Variants in TTLL5 observed in about 807,000 individuals in gnomAD.
The protein encoded by TTLL5 is tubulin polyglutamylase TTLL5.
In TTLL5, 132 loss-of-function variants were observed where a neutral mutation model predicts 168.4. That is an observed-to-expected ratio of 0.78 (90% CI 0.68 to 0.91). TTLL5 has a LOEUF of 0.91. Among genes scored for constraint, TTLL5 ranks in the 40% least tolerant of loss-of-function variants. TTLL5 has a pLI of 0.00. For synonymous variants in TTLL5, 546 were observed against 558.6 expected (o/e 0.98, Z 0.32); for missense variants, 1,545 against 1,581.5 (o/e 0.98, Z 0.39).
At chr14:75,800,064 C>T (rs1893201757) in intron 27 of TTLL5, among the ~76,000 whole-genome samples, 1 of 152,186 alleles carries the variant, frequency 6.6e-6, no homozygotes, top group African/African-American at 2.4e-5. Context: ...ATAAGTTTTC[C>T]AAACTTTTAG....
rs1405463010 is a variant in TTLL5 at position 75,735,370 on chromosome 14, T to C, written c.1281+81T>C. The C allele has an allele frequency of 3.6e-6, 5 of 1,372,712 alleles. No individual in the cohort carries two copies. In the African/African-American group the frequency reaches 7.1e-5, roughly 20 times the overall value. 85.0% of individuals were successfully genotyped at this position (1,372,712 alleles called of 1,614,324 possible). On this transcript the variant is annotated intron_variant, in intron 15 of 31. Transcript: ENST00000298832. ...GATGTAACTGTGGGAGCAGAAGCAC[T>C]GTGGGTATGAGGTCACTTAGAGCAG...
chr14:75,766,674 A>G (rs1269887568), intron 20 of TTLL5, among the ~76,000 whole-genome samples: 1 of 152,186 alleles, frequency 6.6e-6, no homozygotes, highest in East Asian at 1.9e-4. Context: ...TATCAGAGAC[A>G]GAGAGCTCAG....
intron 27 of TTLL5, among the ~76,000 whole-genome samples, chr14:75,806,608 C>G (rs1439767953): frequency 1.3e-5 from 2 of 152,178 alleles, no homozygotes; most frequent in Admixed American, 1.3e-4. Context: ...GGGCATCTGT[C>G]CAGGCTCAGT....
At chr14:75,737,267 G>A (rs1467716735) in intron 15 of TTLL5, among the ~76,000 whole-genome samples, 1 of 152,226 alleles carries the variant, frequency 6.6e-6, no homozygotes, top group Non-Finnish European at 1.5e-5. Flanking sequence ...GATTGGTCAT[G>A]TGTACTGTGT....
intron 18 of TTLL5, among the ~76,000 whole-genome samples, chr14:75,763,361 A>G (rs1239785855): frequency 6.6e-6 from 1 of 151,814 alleles, no homozygotes; most frequent in Non-Finnish European, 1.5e-5. Context: ...TTCTGCTCCC[A>G]GTGCCAGGAC....
intron 31 of TTLL5, among the ~76,000 whole-genome samples, chr14:75,902,969 A>G (rs1181489747): frequency 1.3e-5 from 2 of 152,192 alleles, no homozygotes; most frequent in Non-Finnish European, 2.9e-5. Flanking sequence ...AATGTGCTGC[A>G]AAGTGGGTAT....
intron 31 of TTLL5, among the ~76,000 whole-genome samples, chr14:75,940,881 A>G (rs2034580470): frequency 6.6e-6 from 1 of 152,212 alleles, no homozygotes; most frequent in African/African-American, 2.4e-5. Flanking sequence ...GAAATGAGTT[A>G]TGTGCATTTT....
chr14:75,951,263 G>A (rs544482784), intron 31 of TTLL5, among the ~76,000 whole-genome samples: 7 of 150,826 alleles, frequency 4.6e-5, no homozygotes, highest in African/African-American at 1.7e-4. Context: ...CAGGAGGATC[G>A]TTTGAGCCCA....
chr14:75,661,867 T>A (rs1890751183), intron 1 of TTLL5, among the ~76,000 whole-genome samples: 2 of 151,856 alleles, frequency 1.3e-5, no homozygotes, highest in African/African-American at 2.4e-5. Flanking sequence ...TATCGGGGTC[T>A]GTTTTTTTTT....
chr14:75,882,560 TA>T (rs1035375214), intron 29 of TTLL5, 124 bp from the exon 30 acceptor site: 2,198 of 773,074 alleles, frequency 2.8e-3, no homozygotes, highest in Non-Finnish European at 3.4e-3. Context: ...AGTTTTTCCT[TA>T]AAAAAAAAAT....
At chr14:75,662,834 T>C (rs1374322087) in intron 1 of TTLL5, among the ~76,000 whole-genome samples, 1 of 152,166 alleles carries the variant, frequency 6.6e-6, no homozygotes, top group Non-Finnish European at 1.5e-5. Context: ...TTCAAATATA[T>C]AGAGCACAGA....
chr14:75,812,291 C>T (rs2140394465), intron 27 of TTLL5, among the ~76,000 whole-genome samples: 1 of 152,216 alleles, frequency 6.6e-6, no homozygotes, highest in Non-Finnish European at 1.5e-5. Flanking sequence ...GGCCCCAAAG[C>T]TTAGGTGGAG....
At chr14:75,775,813 CTATT>C (rs1891692549) in intron 22 of TTLL5, among the ~76,000 whole-genome samples, 183 bp downstream of exon 22, 1 of 152,164 alleles carries the variant, frequency 6.6e-6, no homozygotes, top group African/African-American at 2.4e-5. Context: ...GTCTGAAAAA[CTATT>C]TATTACTTCT....
At chr14:75,813,194 C>CTGTGTGTG (rs61154954) in intron 27 of TTLL5, among the ~76,000 whole-genome samples, 121 of 142,522 alleles carry the variant, frequency 8.5e-4, no homozygotes, top group African/African-American at 2.3e-3. Context: ...CTGGAACAAG[C>CTGTGTGTG]TGTGTGTGTG....
chr14:75,937,411 C>T (rs1298715779), intron 31 of TTLL5, among the ~76,000 whole-genome samples: 2 of 152,028 alleles, frequency 1.3e-5, no homozygotes, highest in Non-Finnish European at 2.9e-5. Flanking sequence ...AGGCATGAGC[C>T]ACCATGCCTG....
intron 12 of TTLL5, among the ~76,000 whole-genome samples, chr14:75,726,019 A>G (rs1172977452): frequency 6.6e-6 from 1 of 152,198 alleles, no homozygotes; most frequent in African/African-American, 2.4e-5. Context: ...ATACAATAGC[A>G]TTTCAGTGAC....
intron 6 of TTLL5, among the ~76,000 whole-genome samples, chr14:75,692,701 G>A (rs1454341412): frequency 3.3e-5 from 5 of 152,118 alleles, no homozygotes; most frequent in African/African-American, 1.2e-4. Flanking sequence ...GCGAGGCAGG[G>A]GTCAAAGAGG....
chr14:75,685,432 C>T (rs1039405702), intron 5 of TTLL5, among the ~76,000 whole-genome samples: 3 of 151,098 alleles, frequency 2.0e-5, no homozygotes, highest in African/African-American at 7.3e-5. Context: ...TAATATTTAC[C>T]ATTCATCATA....
chr14:75,809,190 T>C (rs1414434604), intron 27 of TTLL5, among the ~76,000 whole-genome samples: 5 of 152,202 alleles, frequency 3.3e-5, no homozygotes, highest in African/African-American at 9.7e-5. Flanking sequence ...CTCAAACTTA[T>C]AAATTTGCAT....
Sources: allele counts gnomAD v4.1 joint callset (sites outside exome capture counted in the v4.1 genomes callset), GRCh38; gene constraint gnomAD v4.1.1; transcripts MANE v1.5; gene names NCBI Gene and HGNC (gene_info 2026-07-23, HGNC 2026-07-21).